The following CNKSR3 variants were observed in gnomAD, a reference collection of about 807,000 sequenced individuals.
CNKSR3 encodes the protein connector enhancer of kinase suppressor of ras 3.
A neutral mutation model predicts 67.7 loss-of-function variants in CNKSR3; 36 were observed. The observed-to-expected ratio is 0.53, with a 90% confidence interval of 0.41 to 0.70. The LOEUF (loss-of-function observed/expected upper bound fraction) is 0.70. Among genes scored for constraint, CNKSR3 ranks in the 30% least tolerant of loss-of-function variants. CNKSR3 has a pLI of 0.00. For synonymous variants in CNKSR3, 281 were observed against 271.4 expected (o/e 1.04, Z -0.35); for missense variants, 630 against 695.2 (o/e 0.91, Z 1.05).
At chr6:154,461,315 C>T (rs547361895) in intron 1 of CNKSR3, among the ~76,000 whole-genome samples, 20 of 152,290 alleles carry the variant, frequency 1.3e-4, no homozygotes, top group African/African-American at 4.6e-4. Flanking sequence ...GAGGGGAAGA[C>T]AGTTAAGTAC....
At chr6:154,467,449 CA>C (rs1786227584) in intron 1 of CNKSR3, among the ~76,000 whole-genome samples, 1 of 152,160 alleles carries the variant, frequency 6.6e-6, no homozygotes. Context: ...TCTCACTATA[CA>C]CACTGTCAAC....
At chr6:154,463,592 T>C (rs1219985126) in intron 1 of CNKSR3, among the ~76,000 whole-genome samples, 1 of 152,190 alleles carries the variant, frequency 6.6e-6, no homozygotes, top group East Asian at 1.9e-4. Flanking sequence ...CCAGAATGAC[T>C]TAACTGAAGC....
Position 154,510,248 on chromosome 6 carries a change from T to A in CNKSR3, c.-134A>T. On this transcript the variant is annotated 5_prime_UTR_variant, in exon 1 of 13. It removes an upstream start codon present in the reference 5' UTR. Coordinates refer to ENST00000607772, the MANE Select transcript of CNKSR3 (RefSeq NM_173515.4). ...CCCGAGCGACTCCGTCAAGACTGCA[T>A]GGCCGCGGTCAGCCAGTCGTCCCAG... is the stretch of plus-strand genomic sequence containing the variant. The A allele has an allele frequency of 1.0e-6, 1 of 982,084 alleles. No individual in the cohort carries two copies. The highest frequency in any genetic ancestry group is 1.5e-6 in the Non-Finnish European group (1 of 647,350). 60.8% of individuals were successfully genotyped at this position (982,084 alleles called of 1,614,324 possible).
intron 7 of CNKSR3, among the ~76,000 whole-genome samples, chr6:154,426,573 T>G (rs1469442027): frequency 6.6e-6 from 1 of 152,070 alleles, no homozygotes; most frequent in Non-Finnish European, 1.5e-5. Context: ...GCCAGGATGG[T>G]CTCGATCTCC....
intron 1 of CNKSR3, among the ~76,000 whole-genome samples, chr6:154,502,687 C>T (rs1410112166): frequency 6.6e-6 from 1 of 152,212 alleles, no homozygotes; most frequent in Non-Finnish European, 1.5e-5. Flanking sequence ...AACTGCCTTC[C>T]TGTGCATCTC....
Position 154,404,992 on chromosome 6 carries a change from G to C in CNKSR3, c.*1362C>G, listed in dbSNP as rs1784758799. The C allele has an allele frequency of 6.6e-6, 1 of 152,164 alleles. No individual in the cohort carries two copies. Among genetic ancestry groups the C allele is most frequent in the Admixed American group, 6.5e-5 (1 of 15,270 alleles). The allele number at this position is 152,164 out of a possible 1,614,324, so 9.4% of individuals were successfully genotyped here. ...CATGGGCTGAATTCCAGGCAGTTCA[G>C]CAAACTCAACAATTCCGGTGGTATG... On this transcript the variant is annotated 3_prime_UTR_variant, in exon 13 of 13. Transcript: ENST00000607772.
At chr6:154,406,707 C>A in intron 12 of CNKSR3, 55 bp from the exon 13 acceptor site, 1 of 1,484,184 alleles carries the variant, frequency 6.7e-7, no homozygotes, top group Admixed American at 2.0e-5. Context: ...TGGTGGCTCA[C>A]ACCTGTAATC....
chr6:154,427,260 T>C (rs1785275053), intron 7 of CNKSR3, among the ~76,000 whole-genome samples: 1 of 152,228 alleles, frequency 6.6e-6, no homozygotes, highest in Non-Finnish European at 1.5e-5. Context: ...TATCAAAAGA[T>C]CTAGCATCTG....
At chr6:154,455,194 C>G (rs1785928430) in intron 1 of CNKSR3, among the ~76,000 whole-genome samples, 1 of 151,772 alleles carries the variant, frequency 6.6e-6, no homozygotes, top group Non-Finnish European at 1.5e-5. Flanking sequence ...TGGCAGGCAC[C>G]TGTAATCCCA....
intron 9 of CNKSR3, 91 bp downstream of exon 9, chr6:154,422,415 C>A: frequency 3.9e-6 from 5 of 1,281,910 alleles, no homozygotes; most frequent in Non-Finnish European, 5.5e-6. Flanking sequence ...TGAAACCAAT[C>A]AATCACCTTC....
At chr6:154,448,434 C>A (rs371456392) in intron 2 of CNKSR3, among the ~76,000 whole-genome samples, 826 of 121,184 alleles carry the variant, frequency 6.8e-3, no homozygotes, top group Non-Finnish European at 7.3e-3. Context: ...CACGTTTGTA[C>A]AAAAAAAAAA....
chr6:154,442,184 T>C lies in CNKSR3; in HGVS notation c.323A>G (p.Tyr108Cys). 1 of 1,614,226 alleles carries C rather than the reference T, an allele frequency of 6.2e-7. No homozygotes were observed. The highest frequency in any genetic ancestry group is 8.5e-7 in the Non-Finnish European group (1 of 1,180,034). Residue 108 changes from tyrosine to cysteine, a missense_variant, in exon 3 of 13, where the codon TAC becomes TGC. Around this residue, in one of 3 missense-constraint regions of CNKSR3, gnomAD observed 189 missense variants for 205.0 expected, o/e 0.92. Coordinates refer to ENST00000607772, the MANE Select transcript of CNKSR3 (RefSeq NM_173515.4). ...GGCCTTGCGGGAGGTGTTGCCATCG[T>C]AAGCGGGACTTTTCCGTCGGCTACT... ...YISSRRKSPA[Y>C]DGNTSRKAPN...
intron 4 of CNKSR3, among the ~76,000 whole-genome samples, chr6:154,434,265 C>T (rs1005276000): frequency 1.3e-5 from 2 of 152,104 alleles, no homozygotes; most frequent in Non-Finnish European, 2.9e-5. Flanking sequence ...TCACAGTTAA[C>T]CTTCTAGAAC....
At chr6:154,443,758 C>T (rs1424697021) in intron 2 of CNKSR3, among the ~76,000 whole-genome samples, 4 of 152,124 alleles carry the variant, frequency 2.6e-5, no homozygotes, top group African/African-American at 9.7e-5. Context: ...ACTCAAGAGG[C>T]TGAGGTAGGA....
At chr6:154,456,313 T>C (rs910645743) in intron 1 of CNKSR3, among the ~76,000 whole-genome samples, 5 of 152,032 alleles carry the variant, frequency 3.3e-5, no homozygotes, top group African/African-American at 1.2e-4. Flanking sequence ...GGTTTTTGTT[T>C]TGTTTTGTTT....
intron 1 of CNKSR3, among the ~76,000 whole-genome samples, chr6:154,466,658 C>T (rs916373276): frequency 2.6e-5 from 4 of 152,070 alleles, no homozygotes; most frequent in Admixed American, 1.3e-4. Context: ...CTAGCTCTGT[C>T]GCTCAGGCTA....
At chr6:154,414,636 G>A in intron 9 of CNKSR3, 1 of 631,534 alleles carries the variant, frequency 1.6e-6, no homozygotes, top group East Asian at 3.5e-5. Flanking sequence ...ATGTATAGTG[G>A]CAAGAAGCAG....
intron 4 of CNKSR3, 124 bp downstream of exon 4, chr6:154,441,168 G>GA (rs1337478111): frequency 7.2e-5 from 44 of 608,908 alleles, no homozygotes; most frequent in Admixed American, 1.3e-4. Context: ...AGCTCTGATG[G>GA]AAAAAAAACT....
intron 10 of CNKSR3, among the ~76,000 whole-genome samples, chr6:154,411,668 A>AGG (rs200727064): frequency 2.0e-5 from 3 of 148,116 alleles, no homozygotes; most frequent in African/African-American, 7.6e-5. Flanking sequence ...GAGTAAATGC[A>AGG]GGGTTTTTTT....
Sources: gnomAD v4.1 joint callset for allele counts (sites outside exome capture counted in the v4.1 genomes callset) on GRCh38, gnomAD v4.1.1 for gene constraint, gnomAD v4.1.1 regional missense constraint, MANE v1.5 for transcripts, NCBI Gene and HGNC (gene_info 2026-07-23, HGNC 2026-07-21) for gene names.